GOLPH3: variants seen among roughly 807,000 people sequenced by gnomAD.
GOLPH3 encodes coat protein GPP34.
In GOLPH3, 14 loss-of-function variants were observed where a neutral mutation model predicts 28.5. The ratio of observed to expected loss-of-function variants is 0.49; its 90% CI spans 0.32 to 0.77. The LOEUF (loss-of-function observed/expected upper bound fraction) is 0.77, where lower values mean the gene tolerates loss of function less well. Among genes scored for constraint, GOLPH3 ranks in the 30% least tolerant of loss-of-function variants. The probability of loss-of-function intolerance (pLI) is 0.03; values close to 1 mark genes in which losing one functional copy is unlikely to be tolerated. For synonymous variants in GOLPH3, 158 were observed against 159.2 expected (o/e 0.99, Z 0.06); for missense variants, 350 against 393.7 (o/e 0.89, Z 0.94).
chr5:32,126,706 T>C (rs1745690039), intron 3 of GOLPH3, 70 bp from the exon 4 acceptor site: 1 of 1,203,780 alleles, frequency 8.3e-7, no homozygotes. Context: ...TTTTGTACTA[T>C]TAAACAGTAA....
chr5:32,157,786 T>C (rs1036340855), intron 1 of GOLPH3, among the ~76,000 whole-genome samples: 7 of 152,092 alleles, frequency 4.6e-5, no homozygotes, highest in Admixed American at 3.9e-4. Flanking sequence ...GAGACCAGCC[T>C]GACCAATATA....
intron 2 of GOLPH3, among the ~76,000 whole-genome samples, chr5:32,139,735 G>A (rs1317600043): frequency 2.0e-5 from 3 of 151,886 alleles, no homozygotes; most frequent in East Asian, 1.9e-4. Flanking sequence ...AGACAATCAC[G>A]GATAACGTGA....
Position 32,174,254 on chromosome 5 carries a change from T to C in GOLPH3, c.-220A>G. 2.8e-6 allele frequency: 1 copy of C among 362,292 alleles called. No individual in the cohort carries two copies. Among genetic ancestry groups the C allele is most frequent in the Non-Finnish European group, 4.9e-6 (1 of 203,650 alleles). The allele number at this position is 362,292 out of a possible 1,614,324, so 22.4% of individuals were successfully genotyped here. ...GGCAGGAGAGGAGCGCCTTCCTGCCTGTGGCCGCAGTCCCCGAAACACCCC... is the reference window on the plus strand; with the variant it reads ...GGCAGGAGAGGAGCGCCTTCCTGCCCGTGGCCGCAGTCCCCGAAACACCCC... On this transcript the variant is annotated 5_prime_UTR_variant, in exon 1 of 4. Coordinates refer to ENST00000265070, the MANE Select transcript of GOLPH3 (RefSeq NM_022130.4).
At chr5:32,158,660 TCTG>T (rs775827264) in intron 1 of GOLPH3, among the ~76,000 whole-genome samples, 18 of 152,144 alleles carry the variant, frequency 1.2e-4, no homozygotes, top group African/African-American at 3.4e-4. Flanking sequence ...AGGTTACTCT[TCTG>T]CTGCCTATTC....
In GOLPH3 at chr5:32,155,249, G is replaced by C. The variant is rs563579408; in HGVS notation, c.226-11369C>G. Among the ~76,000 whole-genome samples the C allele has an allele frequency of 3.9e-5, 6 of 152,268 alleles. No homozygotes were observed. The South Asian group carries it at 1.2e-3, about 32-fold the overall frequency. On this transcript the variant is annotated intron_variant, in intron 1 of 3. Coordinates refer to ENST00000265070, the MANE Select transcript of GOLPH3 (RefSeq NM_022130.4). The stretch of plus-strand genomic sequence containing the variant: ...CACCCAGGCTAGAGTGCAGTGGCTT[G>C]ATCATAGCTCACTGCAACCTTGAAC...
chr5:32,126,779 C>A, intron 3 of GOLPH3, 143 bp from the exon 4 acceptor site: 1 of 667,232 alleles, frequency 1.5e-6, no homozygotes. Flanking sequence ...CTAACTAGAC[C>A]ATGAACCCCT....
At chr5:32,143,988 T>G in intron 1 of GOLPH3, 108 bp from the exon 2 acceptor site, 12 of 632,872 alleles carry the variant, frequency 1.9e-5, no homozygotes, top group Non-Finnish European at 3.0e-5. Context: ...CCTTTTACCT[T>G]TCCTGTCTTT....
chr5:32,167,974 A>C (rs186615944), intron 1 of GOLPH3, among the ~76,000 whole-genome samples: 34 of 152,242 alleles, frequency 2.2e-4, no homozygotes, highest in Non-Finnish European at 4.1e-4. Context: ...AAGTACAATC[A>C]AATAGTTTAA....
chr5:32,143,541 T>C (rs558449483), intron 2 of GOLPH3, among the ~76,000 whole-genome samples: 2 of 152,222 alleles, frequency 1.3e-5, no homozygotes, highest in African/African-American at 2.4e-5. Flanking sequence ...TAAGATCCAG[T>C]GGCCGGTTAC....
intron 2 of GOLPH3, among the ~76,000 whole-genome samples, chr5:32,143,075 C>T (rs1746116237): frequency 6.6e-6 from 1 of 152,166 alleles, no homozygotes; most frequent in East Asian, 1.9e-4. Flanking sequence ...AAGAGGTAGA[C>T]ATGGGAGACT....
intron 1 of GOLPH3, among the ~76,000 whole-genome samples, chr5:32,165,617 A>G (rs1353389715): frequency 6.6e-6 from 1 of 152,174 alleles, no homozygotes; most frequent in African/African-American, 2.4e-5. Flanking sequence ...GAACAGCAAC[A>G]TAATTTAGTT....
rs182092243 is a variant in GOLPH3, at chr5:32,149,274, G to A, written c.226-5394C>T. ...CAGAGAGGCAGACAGGCACATACAC[G>A]GAATAGCATGTTTGTTGTTTTAACC... On this transcript the variant is annotated intron_variant, in intron 1 of 3. Transcript: ENST00000265070. 5.1e-4 allele frequency among the ~76,000 whole-genome samples: 78 copies of A among 152,300 alleles called. No homozygotes were observed. In the East Asian group the frequency reaches 0.012, roughly 23 times the overall value.
chr5:32,152,957 T>TA (rs1344594945), intron 1 of GOLPH3, among the ~76,000 whole-genome samples: 14 of 152,100 alleles, frequency 9.2e-5, no homozygotes, highest in Non-Finnish European at 1.9e-4. Context: ...CCCTTTAACT[T>TA]GACAATTCTA....
At chr5:32,155,362 T>A (rs905616231) in intron 1 of GOLPH3, among the ~76,000 whole-genome samples, 1 of 152,082 alleles carries the variant, frequency 6.6e-6, no homozygotes. Flanking sequence ...TTTATTTTTA[T>A]TTTTTTAGCA....
chr5:32,168,770 T>A (rs930711436), intron 1 of GOLPH3, among the ~76,000 whole-genome samples: 4 of 152,186 alleles, frequency 2.6e-5, no homozygotes, highest in Non-Finnish European at 5.9e-5. Flanking sequence ...ATTGGACAAG[T>A]CTGGCTGCAT....
At chr5:32,173,327 G>A (rs770086126) in intron 1 of GOLPH3, among the ~76,000 whole-genome samples, 1 of 151,436 alleles carries the variant, frequency 6.6e-6, no homozygotes, top group Non-Finnish European at 1.5e-5. Context: ...CCAACAGTAA[G>A]CTTTAACTGA....
At chr5:32,130,285 T>G (rs1745796770) in intron 3 of GOLPH3, among the ~76,000 whole-genome samples, 1 of 152,234 alleles carries the variant, frequency 6.6e-6, no homozygotes, top group African/African-American at 2.4e-5. Context: ...TGGGTAACTA[T>G]TGTGTTAAAC....
At chr5:32,128,732 A>G (rs1745753131) in intron 3 of GOLPH3, among the ~76,000 whole-genome samples, 1 of 152,152 alleles carries the variant, frequency 6.6e-6, no homozygotes. Context: ...CTACCAAGAC[A>G]AAATTCAACA....
chr5:32,141,806 G>A (rs1274382892), intron 2 of GOLPH3, among the ~76,000 whole-genome samples: 1 of 152,050 alleles, frequency 6.6e-6, no homozygotes, highest in Non-Finnish European at 1.5e-5. Flanking sequence ...GATTCGCTGT[G>A]TTGGCCGGGC....
Sources: allele counts gnomAD v4.1 joint callset (sites outside exome capture counted in the v4.1 genomes callset), GRCh38; gene constraint gnomAD v4.1.1; transcripts MANE v1.5; gene names NCBI Gene and HGNC (gene_info 2026-07-23, HGNC 2026-07-21).